Variants in THSD7B observed in about 807,000 individuals in gnomAD.
THSD7B encodes the protein thrombospondin type-1 domain-containing protein 7B.
THSD7B carries 138 observed loss-of-function variants against 213.6 expected under a neutral mutation model. That is an observed-to-expected ratio of 0.65 (90% CI 0.56 to 0.74). The LOEUF is 0.74. Among genes scored for constraint, THSD7B ranks in the 30% least tolerant of loss-of-function variants. THSD7B has a pLI of 0.00. For synonymous variants in THSD7B, 742 were observed against 687.0 expected (o/e 1.08, Z -1.25); for missense variants, 1,931 against 1,991.5 (o/e 0.97, Z 0.58).
intron 12 of THSD7B, among the ~76,000 whole-genome samples, chr2:137,380,386 T>C (rs917627418): frequency 6.6e-6 from 1 of 152,204 alleles, no homozygotes; most frequent in Non-Finnish European, 1.5e-5. Context: ...AGTCTTCTTT[T>C]CCAGGACATA....
intron 7 of THSD7B, among the ~76,000 whole-genome samples, chr2:137,225,571 A>C (rs12691912): frequency 0.41 from 61,983 of 152,002 alleles, 12,766 homozygotes; most frequent in Middle Eastern, 0.49. Context: ...ACTTTGAGAA[A>C]GTTTTTTAAC....
intron 2 of THSD7B, among the ~76,000 whole-genome samples, chr2:136,963,299 A>G (rs1345209729): frequency 6.6e-6 from 1 of 152,146 alleles, no homozygotes; most frequent in Non-Finnish European, 1.5e-5. Context: ...GGCCTTGGAA[A>G]GGCTCATTTT....
At chr2:137,513,051 A>G (rs1022211380) in intron 15 of THSD7B, among the ~76,000 whole-genome samples, 3 of 152,222 alleles carry the variant, frequency 2.0e-5, no homozygotes, top group Admixed American at 2.0e-4. Flanking sequence ...CAAAGGGTGT[A>G]CAATAAGGAT....
At chr2:137,254,204 C>G (rs1056462184) in intron 10 of THSD7B, among the ~76,000 whole-genome samples, 10 of 152,162 alleles carry the variant, frequency 6.6e-5, no homozygotes, top group African/African-American at 2.4e-4. Context: ...TCTGGAATGA[C>G]ATGCTTTCAA....
chr2:136,903,353 A>T (rs563106078), intron 2 of THSD7B, among the ~76,000 whole-genome samples: 1 of 152,264 alleles, frequency 6.6e-6, no homozygotes, highest in Non-Finnish European at 1.5e-5. Context: ...AAGAGGTTAT[A>T]AGGAGATAAC....
chr2:137,227,946 T>C (rs927680170), intron 7 of THSD7B, among the ~76,000 whole-genome samples: 1 of 152,024 alleles, frequency 6.6e-6, no homozygotes, highest in African/African-American at 2.4e-5. Context: ...TAGATATGTA[T>C]GTTGAATAAA....
chr2:137,284,334 T>A (rs1297840743), intron 12 of THSD7B, among the ~76,000 whole-genome samples: 1 of 152,152 alleles, frequency 6.6e-6, no homozygotes, highest in Admixed American at 6.5e-5. Context: ...ATTTTGTTGA[T>A]CTTTTCAAAA....
At chr2:137,028,195 A>G (rs1317830173) in intron 2 of THSD7B, among the ~76,000 whole-genome samples, 7 of 152,188 alleles carry the variant, frequency 4.6e-5, no homozygotes, top group African/African-American at 1.7e-4. Context: ...TCATAAGCTT[A>G]GAGAATTGTC....
At chr2:136,888,441 C>T (rs1683756615) in intron 2 of THSD7B, among the ~76,000 whole-genome samples, 1 of 151,710 alleles carries the variant, frequency 6.6e-6, no homozygotes, top group Non-Finnish European at 1.5e-5. Context: ...TGTATATTAC[C>T]TATTTATATA....
At chr2:137,085,810 A>T (rs1329167742) in intron 3 of THSD7B, among the ~76,000 whole-genome samples, 1 of 152,212 alleles carries the variant, frequency 6.6e-6, no homozygotes, top group Non-Finnish European at 1.5e-5. Context: ...CAAGTGTGGC[A>T]TAAAAACCAC....
At chr2:136,961,787 A>C (rs1198691286) in intron 2 of THSD7B, among the ~76,000 whole-genome samples, 1 of 152,242 alleles carries the variant, frequency 6.6e-6, no homozygotes, top group African/African-American at 2.4e-5. Flanking sequence ...AGCTTTATAC[A>C]ACCTTCGGTT....
chr2:137,279,359 G>A (rs564414679), intron 12 of THSD7B, among the ~76,000 whole-genome samples: 1 of 152,070 alleles, frequency 6.6e-6, no homozygotes, highest in Admixed American at 6.6e-5. Context: ...AATATAACGA[G>A]ACCCTGTCTC....
intron 15 of THSD7B, among the ~76,000 whole-genome samples, chr2:137,473,122 A>G (rs917614656): frequency 5.2e-4 from 76 of 145,078 alleles, no homozygotes; most frequent in African/African-American, 2.0e-3. Context: ...AACAGTCTCC[A>G]TTCATTCAGG....
intron 2 of THSD7B, among the ~76,000 whole-genome samples, chr2:137,050,975 C>T (rs1040076487): frequency 2.6e-5 from 4 of 152,122 alleles, no homozygotes; most frequent in South Asian, 2.1e-4. Context: ...TTTGTGCATC[C>T]GCTGCTAGTG....
chr2:137,428,065 T>G (rs1687098482), intron 14 of THSD7B, among the ~76,000 whole-genome samples: 1 of 152,154 alleles, frequency 6.6e-6, no homozygotes, highest in Admixed American at 6.5e-5. Context: ...GATAAGAGAC[T>G]TGTATGCAGA....
chr2:137,548,928 T>A (rs971712542), intron 15 of THSD7B, among the ~76,000 whole-genome samples: 5 of 152,010 alleles, frequency 3.3e-5, no homozygotes. Flanking sequence ...TCTCACCTTC[T>A]TGAATATATT....
intron 15 of THSD7B, among the ~76,000 whole-genome samples, chr2:137,524,815 G>A (rs1324547520): frequency 6.6e-6 from 1 of 152,120 alleles, no homozygotes; most frequent in Non-Finnish European, 1.5e-5. Flanking sequence ...CTGTGATTGT[G>A]AGTGACTTTT....
chr2:136,926,463 C>CA (rs1437237715), intron 2 of THSD7B, among the ~76,000 whole-genome samples: 1 of 151,958 alleles, frequency 6.6e-6, no homozygotes, highest in Admixed American at 6.6e-5. Flanking sequence ...GAGGATGAGG[C>CA]AGGCAAATTA....
intron 16 of THSD7B, among the ~76,000 whole-genome samples, chr2:137,570,423 C>G (rs1436030581): frequency 6.6e-6 from 1 of 152,092 alleles, no homozygotes; most frequent in Non-Finnish European, 1.5e-5. Context: ...ATTCTCCTGC[C>G]TTAGCCTCCC....
Sources: allele counts gnomAD v4.1 joint callset (sites outside exome capture counted in the v4.1 genomes callset), GRCh38; gene constraint gnomAD v4.1.1; transcripts MANE v1.5; gene names NCBI Gene and HGNC (gene_info 2026-07-23, HGNC 2026-07-21).